LCLAT1: variants seen among roughly 807,000 people sequenced by gnomAD.
LCLAT1 encodes lysocardiolipin acyltransferase 1.
In LCLAT1, 11 loss-of-function variants were observed where a neutral mutation model predicts 30.7. The ratio of observed to expected loss-of-function variants is 0.36; its 90% CI spans 0.23 to 0.59. LCLAT1 has a LOEUF of 0.59. Ranked by LOEUF, LCLAT1 falls within the 20% of genes least tolerant of loss-of-function variation. LCLAT1 has a pLI of 0.77. For missense variants in LCLAT1, 402 were observed against 458.6 expected (o/e 0.88, Z 1.13); for synonymous variants, 155 against 151.3 (o/e 1.02, Z -0.18).
At chr2:30,583,008 T>C (rs1351169374) in intron 5 of LCLAT1, among the ~76,000 whole-genome samples, 1 of 152,256 alleles carries the variant, frequency 6.6e-6, no homozygotes, top group Non-Finnish European at 1.5e-5. Context: ...TGTATTCTGC[T>C]GACCATTTTT....
At chr2:30,496,881 C>A (rs1684145206) in intron 1 of LCLAT1, among the ~76,000 whole-genome samples, 1 of 152,068 alleles carries the variant, frequency 6.6e-6, no homozygotes, top group Admixed American at 6.6e-5. Flanking sequence ...AATAAAAGCC[C>A]AAAATCAAAA....
At chr2:30,613,086 G>A (rs566540792) in intron 5 of LCLAT1, among the ~76,000 whole-genome samples, 1 of 152,260 alleles carries the variant, frequency 6.6e-6, no homozygotes, top group East Asian at 1.9e-4. Context: ...TGCCTGAGAT[G>A]AGAATGTGCC....
rs78823683 is a variant in LCLAT1 at position 30,632,131 on chromosome 2, T to C, written c.629-7986T>C. ...GAAAATAGGTGTCTCTAAAAATATG[T>C]GTAAAGAATCAAATTGAAATTGAAT... On this transcript the variant is annotated intron_variant, in intron 5 of 5. Transcript: ENST00000379509. Among the ~76,000 whole-genome samples, 4 of 152,258 alleles carry C rather than the reference T, an allele frequency of 2.6e-5. No individual in the cohort carries two copies. The East Asian group carries it at 7.7e-4, about 29-fold the overall frequency.
chr2:30,484,009 TA>T (rs1388479757), intron 1 of LCLAT1, among the ~76,000 whole-genome samples: 1 of 152,172 alleles, frequency 6.6e-6, no homozygotes, highest in Non-Finnish European at 1.5e-5. Context: ...GAAATTGAGT[TA>T]TATTGATATC....
chr2:30,627,912 T>C (rs1481906522), intron 5 of LCLAT1, among the ~76,000 whole-genome samples: 27 of 152,140 alleles, frequency 1.8e-4, no homozygotes, highest in Admixed American at 1.6e-3. Flanking sequence ...ATTTTAAAAC[T>C]CACATTTTAA....
At chr2:30,598,714 T>C (rs1667043022) in intron 5 of LCLAT1, among the ~76,000 whole-genome samples, 1 of 152,292 alleles carries the variant, frequency 6.6e-6, no homozygotes, top group South Asian at 2.1e-4. Context: ...GTGTTTGCTC[T>C]TGGTTCTCTA....
At chr2:30,590,805 A>AAAAC (rs1485247623) in intron 5 of LCLAT1, among the ~76,000 whole-genome samples, 1 of 152,080 alleles carries the variant, frequency 6.6e-6, no homozygotes, top group Non-Finnish European at 1.5e-5. Flanking sequence ...TTACACAAAT[A>AAAAC]AAACAAAGTT....
chr2:30,476,218 A>G (rs949180671), intron 1 of LCLAT1, among the ~76,000 whole-genome samples: 4 of 152,216 alleles, frequency 2.6e-5, no homozygotes, highest in Admixed American at 1.3e-4. Context: ...AATCCTCACA[A>G]TAGTCTTTAA....
rs187505180 is a variant in LCLAT1, at chr2:30,502,194, T to G, written c.-4-23393T>G. Among the ~76,000 whole-genome samples the G allele has an allele frequency of 1.9e-4, 29 of 152,300 alleles. No homozygotes were observed. The East Asian group carries it at 5.4e-3, about 28-fold the overall frequency. On this transcript the variant is annotated intron_variant, in intron 1 of 5. Transcript: ENST00000379509. ...TTCAGTGATTTCACTCTCTAGTTTT[T>G]GGTCCCCTTTTGTTCTCTTGCTTTG...
intron 3 of LCLAT1, among the ~76,000 whole-genome samples, chr2:30,536,893 C>A (rs929340132): frequency 9.2e-5 from 14 of 152,222 alleles, no homozygotes; most frequent in African/African-American, 3.4e-4. Context: ...CATTTAAATT[C>A]CCCATTTAAA....
chr2:30,514,871 G>A (rs771151003), intron 1 of LCLAT1, among the ~76,000 whole-genome samples: 1 of 152,096 alleles, frequency 6.6e-6, no homozygotes, highest in Non-Finnish European at 1.5e-5. Flanking sequence ...TTTCACTTTT[G>A]AAACGTTTAT....
chr2:30,455,619 G>T (rs184798390), intron 1 of LCLAT1, among the ~76,000 whole-genome samples: 2 of 152,170 alleles, frequency 1.3e-5, no homozygotes, highest in Non-Finnish European at 2.9e-5. Flanking sequence ...TTTGTCTTAG[G>T]CTGGGTGTGG....
chr2:30,630,384 G>A (rs936181007), intron 5 of LCLAT1, among the ~76,000 whole-genome samples: 3 of 152,172 alleles, frequency 2.0e-5, no homozygotes, highest in African/African-American at 4.8e-5. Flanking sequence ...ATGTGAATAA[G>A]TATCACCTGA....
chr2:30,534,219 CTGTGTGTGTGTG>C (rs57380693), intron 3 of LCLAT1, among the ~76,000 whole-genome samples: 20,523 of 130,478 alleles, frequency 0.16, 1,662 homozygotes, highest in Admixed American at 0.21. Context: ...AGTTGATTTA[CTGTGTGTGTGTG>C]TGTGTGTGTG....
At chr2:30,622,951 G>T (rs574609611) in intron 5 of LCLAT1, among the ~76,000 whole-genome samples, 24 of 151,988 alleles carry the variant, frequency 1.6e-4, no homozygotes, top group African/African-American at 5.8e-4. Context: ...TCAAAACCAA[G>T]GCAAAATCTC....
chr2:30,478,025 G>T (rs1683133543), intron 1 of LCLAT1, among the ~76,000 whole-genome samples: 2 of 150,608 alleles, frequency 1.3e-5, no homozygotes, highest in Non-Finnish European at 2.9e-5. Context: ...TGAATTCTGT[G>T]GCCCAGGATT....
intron 1 of LCLAT1, among the ~76,000 whole-genome samples, chr2:30,470,078 T>C (rs1682699714): frequency 6.6e-6 from 1 of 152,076 alleles, no homozygotes; most frequent in Non-Finnish European, 1.5e-5. Context: ...CACACGAGTG[T>C]CAAAATGGTC....
intron 3 of LCLAT1, among the ~76,000 whole-genome samples, chr2:30,548,292 C>T (rs1480795257): frequency 6.6e-6 from 1 of 152,050 alleles, no homozygotes; most frequent in Non-Finnish European, 1.5e-5. Flanking sequence ...ACACAGCCCT[C>T]AAGAAGTCCT....
chr2:30,581,612 A>G (rs1263610009), intron 5 of LCLAT1, among the ~76,000 whole-genome samples: 2 of 152,210 alleles, frequency 1.3e-5, no homozygotes, highest in African/African-American at 2.4e-5. Flanking sequence ...TCCCAGCAAC[A>G]TGGATGACCC....
Sources: allele counts gnomAD v4.1 joint callset (sites outside exome capture counted in the v4.1 genomes callset), GRCh38; gene constraint gnomAD v4.1.1; transcripts MANE v1.5; gene names NCBI Gene and HGNC (gene_info 2026-07-23, HGNC 2026-07-21).